The following RGS12 variants were observed in gnomAD, a reference collection of about 807,000 sequenced individuals.
RGS12 encodes regulator of G protein signaling 12.
A neutral mutation model predicts 120.1 loss-of-function variants in RGS12; 66 were observed. The ratio of observed to expected loss-of-function variants is 0.55; its 90% CI spans 0.45 to 0.67. RGS12 has a LOEUF of 0.67. RGS12 is among the 30% of genes least tolerant of loss of function. RGS12 has a pLI of 0.00. For synonymous variants in RGS12, 827 were observed against 804.7 expected (o/e 1.03, Z -0.47); for missense variants, 1,859 against 1,957.7 (o/e 0.95, Z 0.95).
intron 4 of RGS12, among the ~76,000 whole-genome samples, chr4:3,397,031 G>A (rs1421039674): frequency 1.3e-5 from 2 of 151,978 alleles, no homozygotes; most frequent in Non-Finnish European, 2.9e-5. Flanking sequence ...AATCTGGCTT[G>A]GTTTGCCTTT....
intron 3 of RGS12, among the ~76,000 whole-genome samples, chr4:3,349,996 A>T (rs926676046): frequency 1.3e-5 from 2 of 152,322 alleles, no homozygotes; most frequent in African/African-American, 4.8e-5. Flanking sequence ...ATTTATTTTT[A>T]ATAATTATAC....
rs527793829 is a variant in RGS12 at position 3,417,666 on chromosome 4, C to T, written c.2761+125C>T. The stretch of plus-strand genomic sequence containing the variant: ...GCAGTGAGAGGCCCTGTTGGCGGGT[C>T]GAGGAAGCTTCTCTGAATGAATAAG... On this transcript the variant is annotated intron_variant, in intron 9 of 17. Transcript: ENST00000336727. The T allele has an allele frequency of 2.6e-5, 26 of 990,970 alleles. 1 individual carries two copies. Among genetic ancestry groups the T allele is most frequent in the East Asian group, 1.6e-4 (6 of 38,432 alleles). 61.4% of individuals were successfully genotyped at this position (990,970 alleles called of 1,614,324 possible). A position where few individuals can be genotyped will look rare whatever the true frequency, so the allele number is the denominator to read the frequency against.
intron 2 of RGS12, among the ~76,000 whole-genome samples, chr4:3,331,511 A>G (rs76342698): frequency 0.038 from 5,824 of 152,296 alleles, 294 homozygotes; most frequent in African/African-American, 0.12. Flanking sequence ...GGTGTAGCCA[A>G]TGACAGGCTC....
chr4:3,420,801 C>G (rs78606726), intron 10 of RGS12, 83 bp downstream of exon 10: 18 of 1,185,668 alleles, frequency 1.5e-5, no homozygotes, highest in Non-Finnish European at 2.2e-5. Context: ...CCATGGAAAC[C>G]TGTGTTTACA....
At chr4:3,381,727 A>T (rs1189121829) in intron 3 of RGS12, among the ~76,000 whole-genome samples, 1 of 152,194 alleles carries the variant, frequency 6.6e-6, no homozygotes, top group East Asian at 1.9e-4. Context: ...GGATTATTGG[A>T]ACTACAAGAT....
intron 2 of RGS12, among the ~76,000 whole-genome samples, chr4:3,339,255 A>G (rs1411115766): frequency 1.3e-5 from 2 of 152,114 alleles, no homozygotes; most frequent in African/African-American, 4.8e-5. Context: ...TGCTGAGGTA[A>G]GTGATTGCTT....
Position 3,317,654 on chromosome 4 carries a change from T to C in RGS12, c.1484T>C (p.Phe495Ser). 6.2e-7 allele frequency: 1 copy of C among 1,601,472 alleles called. No individual in the cohort carries two copies. ...PFEAAHQTDR[F>S]WDLNKHLGPA... ...GAGGCCGCTCATCAGACTGACAGGT[T>C]CTGGGACCTAAACAAGCACCTAGGG... is the stretch of plus-strand genomic sequence containing the variant. Residue 495 changes from phenylalanine to serine, a missense_variant, in exon 2 of 18, where the codon TTC becomes TCC. Transcript: ENST00000336727.
Position 3,427,936 on chromosome 4 carries a change from G to T in RGS12, c.3332-154G>T, listed in dbSNP as rs79094140. Reference sequence around the variant, plus strand: ...CGGGCCCTCTCTCCTGTCCCATGGGGACTCCCCTCAGGGCTGTGCGTGGTG... The same window carrying T: ...CGGGCCCTCTCTCCTGTCCCATGGGTACTCCCCTCAGGGCTGTGCGTGGTG... On this transcript the variant is annotated intron_variant, in intron 14 of 17. Transcript: ENST00000336727. Among the ~76,000 whole-genome samples the T allele has an allele frequency of 0.01, 1,577 of 152,274 alleles. 34 individuals carry two copies. Among genetic ancestry groups the T allele is most frequent in the African/African-American group, 0.036 (1,487 of 41,548 alleles).
chr4:3,398,646 A>G (rs1720277549), intron 4 of RGS12, among the ~76,000 whole-genome samples: 1 of 152,244 alleles, frequency 6.6e-6, no homozygotes, highest in Non-Finnish European at 1.5e-5. Context: ...TGAGATTTGC[A>G]GAACAGAAGT....
chr4:3,416,409 T>C (rs1382704173), intron 7 of RGS12, among the ~76,000 whole-genome samples: 1 of 152,198 alleles, frequency 6.6e-6, no homozygotes, highest in Non-Finnish European at 1.5e-5. Context: ...GTGTGTGGAA[T>C]CACACCTGCC....
intron 1 of RGS12, among the ~76,000 whole-genome samples, chr4:3,294,188 G>A (rs1464765225): frequency 3.9e-5 from 6 of 152,272 alleles, no homozygotes; most frequent in Non-Finnish European, 5.9e-5. Context: ...GGTCCATGCC[G>A]TCCTGTGCAG....
chr4:3,365,048 C>T lies in RGS12; in HGVS notation c.1999-21368C>T, dbSNP rs148656348. Among the ~76,000 whole-genome samples the T allele has an allele frequency of 1.3e-5, 2 of 152,072 alleles. No individual in the cohort carries two copies. The highest frequency in any genetic ancestry group is 2.9e-5 in the Non-Finnish European group (2 of 68,008). ...CTTTCCAGGGGAGCAGAAGGGGCAT[C>T]CTGGGTGACAGGAGGATGAGGTGAC... On this transcript the variant is annotated intron_variant, in intron 3 of 17. Coordinates refer to ENST00000336727, the MANE Select transcript of RGS12 (RefSeq NM_001394154.1). This position sits in a 1 kb window ranked among gnomAD's most constrained non-coding sequence, Gnocchi z 4.0.
chr4:3,290,228 T>C (rs1178476476), upstream of RGS12, among the ~76,000 whole-genome samples: 1 of 152,188 alleles, frequency 6.6e-6, no homozygotes, highest in Non-Finnish European at 1.5e-5. Context: ...GGAACCTCCA[T>C]ACTCTTTTCC....
chr4:3,340,380 A>G (rs1712937833), intron 2 of RGS12, among the ~76,000 whole-genome samples: 1 of 152,220 alleles, frequency 6.6e-6, no homozygotes, highest in Admixed American at 6.5e-5. Context: ...ACTGGGAGAG[A>G]GGACGCTGGG....
intron 6 of RGS12, 128 bp downstream of exon 6, chr4:3,414,972 G>T: frequency 1.5e-6 from 1 of 674,690 alleles, no homozygotes; most frequent in Non-Finnish European, 2.6e-6. Context: ...GCGTGAGAGG[G>T]GCGTGTGAGA....
Position 3,294,027 on chromosome 4 carries a change from A to ACAGAGCCATGGAGTGTAGACAGATAGG in RGS12, c.-102+928_-102+929insCAGAGCCATGGAGTGTAGACAGATAGG, listed in dbSNP as rs1578659613. ...CCAGAGCCGTGGAGTGTGGACAGAG[A>ACAGAGCCATGGAGTGTAGACAGATAGG]GGACCACCTGGCCTCTCACCTGCTT... On this transcript the variant is annotated intron_variant, in intron 1 of 17. Transcript: ENST00000336727. 5.0e-4 allele frequency among the ~76,000 whole-genome samples: 11 copies of ACAGAGCCATGGAGTGTAGACAGATAGG among 22,078 alleles called. No individual in the cohort carries two copies. The African/African-American group carries it at 6.6e-3, about 13-fold the overall frequency. The allele number at this position is 22,078 out of a possible 152,430, so 14.5% of individuals were successfully genotyped here.
chr4:3,410,551 G>A (rs1163500925), intron 4 of RGS12, among the ~76,000 whole-genome samples: 2 of 152,200 alleles, frequency 1.3e-5, no homozygotes, highest in African/African-American at 2.4e-5. Flanking sequence ...CAGCTTCACC[G>A]TGGCTGATGA....
At chr4:3,288,538 ACT>A (rs1262393350), upstream of RGS12, among the ~76,000 whole-genome samples, 2 of 150,794 alleles carry the variant, frequency 1.3e-5, no homozygotes, top group Non-Finnish European at 3.0e-5. The surrounding 1 kb of genome is among the most constrained non-coding windows in gnomAD (Gnocchi z 5.2). Flanking sequence ...ACGAACCCCA[ACT>A]CTCTCGGGAG....
At chr4:3,333,291 C>T (rs946516425) in intron 2 of RGS12, among the ~76,000 whole-genome samples, 1 of 152,174 alleles carries the variant, frequency 6.6e-6, no homozygotes, top group African/African-American at 2.4e-5. Context: ...CCTCGTGATC[C>T]ACCCGCCTCG....
Sources: gnomAD v4.1 joint callset for allele counts (sites outside exome capture counted in the v4.1 genomes callset) on GRCh38, gnomAD v4.1.1 for gene constraint, Gnocchi (gnomAD v3.1) non-coding constraint, MANE v1.5 for transcripts, NCBI Gene and HGNC (gene_info 2026-07-23, HGNC 2026-07-21) for gene names.